CTIF: variants seen among roughly 807,000 people sequenced by gnomAD.
The protein encoded by CTIF is CBP80/20-dependent translation initiation factor.
CTIF carries 21 observed loss-of-function variants against 66.0 expected under a neutral mutation model. The ratio of observed to expected loss-of-function variants is 0.32; its 90% CI spans 0.23 to 0.46. The LOEUF (loss-of-function observed/expected upper bound fraction) is 0.46. CTIF is among the 20% of genes least tolerant of loss of function. CTIF has a pLI of 1.00. For missense variants in CTIF, 739 were observed against 812.7 expected (o/e 0.91, Z 1.10); for synonymous variants, 345 against 326.4 (o/e 1.06, Z -0.62).
intron 3 of CTIF, among the ~76,000 whole-genome samples, chr18:48,655,250 A>G (rs140254414): frequency 6.6e-6 from 1 of 150,556 alleles, no homozygotes; most frequent in African/African-American, 2.5e-5. Flanking sequence ...GGTTGCAGTA[A>G]GCTGAGATCA....
rs146037445 is a variant in CTIF at position 48,650,099 on chromosome 18, C to A, written c.252+13414C>A. On this transcript the variant is annotated intron_variant, in intron 3 of 11. Coordinates refer to ENST00000256413, the MANE Select transcript of CTIF (RefSeq NM_014772.3). ...CCAAAGGATTGCAGCTCCTCGCCAGCAATGGAACAAAGCTGGATGGAGAAT... is the reference window on the plus strand; with the variant it reads ...CCAAAGGATTGCAGCTCCTCGCCAGAAATGGAACAAAGCTGGATGGAGAAT... Among the ~76,000 whole-genome samples the A allele has an allele frequency of 4.8e-3, 730 of 152,306 alleles. 10 individuals are homozygous for A. Among genetic ancestry groups the A allele is most frequent in the African/African-American group, 0.017 (694 of 41,542 alleles).
chr18:48,611,606 G>A (rs913113246), intron 1 of CTIF, among the ~76,000 whole-genome samples: 11 of 152,222 alleles, frequency 7.2e-5, no homozygotes, highest in African/African-American at 1.2e-4. Flanking sequence ...ACCTGGGAGC[G>A]TGTTAGGAAT....
chr18:48,769,172 C>T (rs1003332910), intron 9 of CTIF, among the ~76,000 whole-genome samples: 1 of 152,212 alleles, frequency 6.6e-6, no homozygotes. Context: ...ACCGCTGAGC[C>T]GATGTGCACT....
chr18:48,663,811 C>T lies in CTIF; in HGVS notation c.312C>T (p.Thr104=). 6.2e-7 allele frequency: 1 copy of T among 1,614,132 alleles called. No individual in the cohort carries two copies. The highest frequency in any genetic ancestry group is 8.5e-7 in the Non-Finnish European group (1 of 1,179,974). ...MLGTDIWAAN[T]FDSFSGATWD... is the part of the protein sequence containing the mutation. ...GCACGGACATCTGGGCGGCCAACACCTTCGATTCCTTCAGGTAACCTCCTC... is the reference window on the plus strand; with the variant it reads ...GCACGGACATCTGGGCGGCCAACACTTTCGATTCCTTCAGGTAACCTCCTC... Residue 104 remains threonine, a synonymous_variant, in exon 4 of 12, where the codon ACC becomes ACT. Coordinates refer to ENST00000256413, the MANE Select transcript of CTIF (RefSeq NM_014772.3).
At chr18:48,744,679 C>G (rs1285595456) in intron 7 of CTIF, among the ~76,000 whole-genome samples, 1 of 152,128 alleles carries the variant, frequency 6.6e-6, no homozygotes, top group Non-Finnish European at 1.5e-5. Context: ...TTCTCAAAAT[C>G]AGGAAACTGA....
chr18:48,764,598 G>A (rs1599000083), intron 9 of CTIF, among the ~76,000 whole-genome samples: 1 of 152,278 alleles, frequency 6.6e-6, no homozygotes, highest in East Asian at 1.9e-4. Flanking sequence ...TCCAGGGCAA[G>A]AAGGGAACCC....
chr18:48,850,974 C>A (rs1437557205), intron 10 of CTIF, among the ~76,000 whole-genome samples: 1 of 152,252 alleles, frequency 6.6e-6, no homozygotes, highest in Non-Finnish European at 1.5e-5. Context: ...AAACTCCTTC[C>A]CTGACTTCCT....
chr18:48,591,827 A>G (rs1308486604), intron 1 of CTIF, among the ~76,000 whole-genome samples: 1 of 152,190 alleles, frequency 6.6e-6, no homozygotes, highest in African/African-American at 2.4e-5. Flanking sequence ...AGCTCATTGT[A>G]GCCTCCAGCT....
rs1910958285 is a variant in CTIF, at chr18:48,778,970, C to T, written c.1371+17281C>T. On this transcript the variant is annotated intron_variant, in intron 9 of 11. Transcript: ENST00000256413. The stretch of plus-strand genomic sequence containing the variant: ...GACTGAGAGTACAGGATCTGGACAG[C>T]CCCGATTTGAATCCTAAGTTTAATA... Among the ~76,000 whole-genome samples the T allele has an allele frequency of 3.3e-5, 5 of 152,332 alleles. No homozygotes were observed. The South Asian group carries it at 1.0e-3, about 32-fold the overall frequency.
chr18:48,691,077 A>G (rs886183079), intron 6 of CTIF, among the ~76,000 whole-genome samples: 3 of 152,210 alleles, frequency 2.0e-5, no homozygotes, highest in Non-Finnish European at 4.4e-5. Context: ...ATTTTTATAA[A>G]GGGAATCGGG....
chr18:48,815,395 A>G (rs1308884010), intron 9 of CTIF, among the ~76,000 whole-genome samples: 4 of 152,218 alleles, frequency 2.6e-5, no homozygotes, highest in Non-Finnish European at 5.9e-5. Flanking sequence ...TGGGGCAGTA[A>G]TAGGACCTGC....
In CTIF at chr18:48,721,757, C is replaced by T. The variant is rs116463977; in HGVS notation, c.584+10062C>T. ...AACCTCAGAGAACGTGCATCCCCCC[C>T]TCTCTGTCCTGACACTCACTCCTGT... is the stretch of plus-strand genomic sequence containing the variant. On this transcript the variant is annotated intron_variant, in intron 7 of 11. Coordinates refer to ENST00000256413, the MANE Select transcript of CTIF (RefSeq NM_014772.3). Among the ~76,000 whole-genome samples, 1,222 of 148,014 alleles carry T rather than the reference C, an allele frequency of 8.3e-3. 19 individuals carry two copies. The highest frequency in any genetic ancestry group is 0.029 in the African/African-American group (1,156 of 40,490).
Position 48,758,273 on chromosome 18 carries a change from A to G in CTIF, c.939A>G (p.Pro313=). 6.2e-7 allele frequency: 1 copy of G among 1,613,482 alleles called. No individual in the cohort carries two copies. The highest frequency in any genetic ancestry group is 8.5e-7 in the Non-Finnish European group (1 of 1,179,860). The part of the protein sequence containing the change: ...LAPVASERLP[P]QQSGGPEVET... ...CGGTGGCTTCTGAGCGGCTGCCCCCACAGCAGTCAGGGGGGCCAGAGGTTG... is the reference window on the plus strand; with the variant it reads ...CGGTGGCTTCTGAGCGGCTGCCCCCGCAGCAGTCAGGGGGGCCAGAGGTTG... Residue 313 remains proline, a synonymous_variant, in exon 8 of 12, where the codon CCA becomes CCG. Coordinates refer to ENST00000256413, the MANE Select transcript of CTIF (RefSeq NM_014772.3).
At chr18:48,843,329 C>A (rs1043585055) in intron 10 of CTIF, among the ~76,000 whole-genome samples, 9 of 152,162 alleles carry the variant, frequency 5.9e-5, no homozygotes, top group Non-Finnish European at 7.4e-5. Flanking sequence ...GCCCTGCGCT[C>A]CAGCAGGGAG....
chr18:48,542,547 C>G (rs2088645573), intron 1 of CTIF, among the ~76,000 whole-genome samples: 1 of 152,208 alleles, frequency 6.6e-6, no homozygotes, highest in Non-Finnish European at 1.5e-5. Flanking sequence ...TTAAGTCCAG[C>G]AAATGTTTAT....
intron 1 of CTIF, among the ~76,000 whole-genome samples, chr18:48,600,281 A>G (rs2144120595): frequency 6.6e-6 from 1 of 152,100 alleles, no homozygotes; most frequent in South Asian, 2.1e-4. Flanking sequence ...AGGCCTCAAG[A>G]GTTCAGGAAC....
intron 3 of CTIF, among the ~76,000 whole-genome samples, chr18:48,648,661 C>T (rs2091099000): frequency 6.6e-6 from 1 of 152,132 alleles, no homozygotes; most frequent in Admixed American, 6.5e-5. Context: ...CAGATCTGGC[C>T]CATAGGAAGC....
intron 1 of CTIF, among the ~76,000 whole-genome samples, chr18:48,580,025 G>A (rs142150921): frequency 5.3e-5 from 8 of 152,286 alleles, no homozygotes; most frequent in Admixed American, 2.0e-4. Flanking sequence ...CCATCCGTCC[G>A]TTCATCTGTC....
chr18:48,681,832 C>T (rs2091748592), intron 6 of CTIF, among the ~76,000 whole-genome samples: 1 of 152,072 alleles, frequency 6.6e-6, no homozygotes. Flanking sequence ...GTCACCCAGG[C>T]TGGAGTACAA....
Sources: gnomAD v4.1 joint callset for allele counts (sites outside exome capture counted in the v4.1 genomes callset) on GRCh38, gnomAD v4.1.1 for gene constraint, MANE v1.5 for transcripts, NCBI Gene and HGNC (gene_info 2026-07-23, HGNC 2026-07-21) for gene names.